The following PPFIBP1 variants were observed in gnomAD, a reference collection of about 807,000 sequenced individuals.
PPFIBP1 encodes liprin-beta-1.
In PPFIBP1, 112 loss-of-function variants were observed where a neutral mutation model predicts 137.8. The ratio of observed to expected loss-of-function variants is 0.81; its 90% CI spans 0.70 to 0.95. PPFIBP1 has a LOEUF of 0.95. Among genes scored for constraint, PPFIBP1 ranks in the 40% least tolerant of loss-of-function variants. The pLI, the probability that PPFIBP1 is intolerant of heterozygous loss-of-function variation, is 0.00. For missense variants in PPFIBP1, 1,083 were observed against 1,196.6 expected (o/e 0.91, Z 1.40); for synonymous variants, 378 against 417.3 (o/e 0.91, Z 1.15).
intron 13 of PPFIBP1, among the ~76,000 whole-genome samples, 184 bp downstream of exon 13, chr12:27,667,504 A>G (rs1298840898): frequency 6.6e-6 from 1 of 152,246 alleles, no homozygotes; most frequent in Non-Finnish European, 1.5e-5. Flanking sequence ...TAATTGAATA[A>G]AATTTTCTTC....
intron 7 of PPFIBP1, among the ~76,000 whole-genome samples, chr12:27,654,100 C>T (rs1178388046): frequency 6.6e-6 from 1 of 152,150 alleles, no homozygotes. Context: ...AAAATTAAAA[C>T]TGATTTGACT....
chr12:27,650,989 A>T (rs1352372162), intron 7 of PPFIBP1, among the ~76,000 whole-genome samples: 1 of 152,168 alleles, frequency 6.6e-6, no homozygotes, highest in African/African-American at 2.4e-5. Context: ...TGGATTAGAA[A>T]ATGGGTACCA....
intron 1 of PPFIBP1, among the ~76,000 whole-genome samples, chr12:27,546,471 C>T (rs1283795359): frequency 2.6e-5 from 4 of 152,170 alleles, no homozygotes; most frequent in East Asian, 3.9e-4. Flanking sequence ...CCTGCTTTTC[C>T]ACTGACTTCC....
In PPFIBP1 at chr12:27,694,426, C is replaced by T. The variant is rs559243238; in HGVS notation, c.*1544C>T. On this transcript the variant is annotated 3_prime_UTR_variant, in exon 30 of 30. Coordinates refer to ENST00000228425, the MANE Select transcript of PPFIBP1 (RefSeq NM_003622.4). The stretch of plus-strand genomic sequence containing the variant: ...ACCTTTACAGTATTGTTTCTTTTCT[C>T]TTTGTTAACTGTGTCATTACAGCAA... 4.6e-5 allele frequency: 7 copies of T among 152,288 alleles called. No individual in the cohort carries two copies. Among genetic ancestry groups the T allele is most frequent in the Non-Finnish European group, 8.8e-5 (6 of 68,014 alleles). The allele number at this position is 152,288 out of a possible 1,614,324, so 9.4% of individuals were successfully genotyped here.
rs146519272 is a variant in PPFIBP1, at chr12:27,623,226, C to T, written c.-35-10136C>T. On this transcript the variant is annotated intron_variant, in intron 2 of 29. Coordinates refer to ENST00000228425, the MANE Select transcript of PPFIBP1 (RefSeq NM_003622.4). ...GAGCAATAACAAGTTGAAACAGACCCGCTGATACTCCTCCATAATACTGGG... is the reference window on the plus strand; with the variant it reads ...GAGCAATAACAAGTTGAAACAGACCTGCTGATACTCCTCCATAATACTGGG... 4.6e-3 allele frequency among the ~76,000 whole-genome samples: 697 copies of T among 152,170 alleles called. 7 individuals carry two copies. The highest frequency in any genetic ancestry group is 0.016 in the African/African-American group (658 of 41,494).
At chr12:27,629,003 G>A (rs1284191273) in intron 2 of PPFIBP1, among the ~76,000 whole-genome samples, 2 of 152,076 alleles carry the variant, frequency 1.3e-5, no homozygotes, top group African/African-American at 2.4e-5. Context: ...AATATTAAAG[G>A]GACATTAATT....
At chr12:27,623,104 G>A (rs1440883226) in intron 2 of PPFIBP1, among the ~76,000 whole-genome samples, 2 of 152,082 alleles carry the variant, frequency 1.3e-5, no homozygotes, top group African/African-American at 4.8e-5. Context: ...GCATACATTA[G>A]GTTGGTAGGC....
intron 11 of PPFIBP1, among the ~76,000 whole-genome samples, chr12:27,662,471 T>G (rs2059612369): frequency 6.6e-6 from 1 of 151,780 alleles, no homozygotes; most frequent in Non-Finnish European, 1.5e-5. Flanking sequence ...CAGTTAAGAG[T>G]CAGTTAAAAT....
At chr12:27,593,632 C>A in intron 2 of PPFIBP1, 1 of 481,382 alleles carries the variant, frequency 2.1e-6, no homozygotes, top group South Asian at 2.3e-5. Context: ...GTCTGAAACT[C>A]TTGCACAAGA....
intron 2 of PPFIBP1, among the ~76,000 whole-genome samples, chr12:27,586,996 C>T (rs527384854): frequency 6.6e-6 from 1 of 152,180 alleles, no homozygotes; most frequent in African/African-American, 2.4e-5. Context: ...GACCTATCTC[C>T]GCATTCGGCA....
intron 2 of PPFIBP1, among the ~76,000 whole-genome samples, chr12:27,627,808 T>C (rs1240900726): frequency 6.7e-6 from 1 of 149,556 alleles, no homozygotes; most frequent in African/African-American, 2.5e-5. Flanking sequence ...ATATTTCTGT[T>C]GGTTACCCAC....
At chr12:27,670,529 C>T (rs2060113789) in intron 13 of PPFIBP1, among the ~76,000 whole-genome samples, 1 of 152,108 alleles carries the variant, frequency 6.6e-6, no homozygotes, top group African/African-American at 2.4e-5. Context: ...CCTGTAATCC[C>T]ACTTTGGGAG....
intron 27 of PPFIBP1, among the ~76,000 whole-genome samples, chr12:27,690,975 C>T (rs2061498545): frequency 1.3e-5 from 2 of 151,474 alleles, no homozygotes; most frequent in Non-Finnish European, 2.9e-5. Context: ...ACTGGGTCCT[C>T]CAGAAATTTG....
In PPFIBP1 at chr12:27,692,942, C is replaced by T; in HGVS notation, c.*60C>T. The T allele has an allele frequency of 6.2e-7, 1 of 1,601,516 alleles. No individual in the cohort carries two copies. The highest frequency in any genetic ancestry group is 8.5e-7 in the Non-Finnish European group (1 of 1,174,316). On this transcript the variant is annotated 3_prime_UTR_variant, in exon 30 of 30. Transcript: ENST00000228425. ...TCTTTTTTCTACTTGCTTTTCCAAA[C>T]ACTCACAGTATATACAACAGGCAGC... is the stretch of plus-strand genomic sequence containing the variant.
At position 27,681,611 on chromosome 12, in the gene PPFIBP1, G is replaced by C. The variant is rs2060878666; in HGVS notation, c.1961G>C (p.Gly654Ala). Residue 654 changes from glycine to alanine, a missense_variant, in exon 22 of 30, where the codon GGC (glycine) becomes GCC (alanine). Gly to Ala is a moderately conservative substitution (Grantham distance 60). Transcript: ENST00000228425. ...EQVCNWLMEQ[G>A]LGSYLNSGKH... is the part of the protein sequence containing the mutation. ...GTTTGCAATTGGCTGATGGAACAGG[G>C]CTTGGGCTCGTACCTGAATTCTGGC... The C allele has an allele frequency of 6.2e-7, 1 of 1,614,056 alleles. No individual in the cohort carries two copies. The highest frequency in any genetic ancestry group is 1.3e-5 in the African/African-American group (1 of 74,928).
At chr12:27,615,978 A>T (rs1345973180) in intron 2 of PPFIBP1, among the ~76,000 whole-genome samples, 2 of 152,152 alleles carry the variant, frequency 1.3e-5, no homozygotes, top group Non-Finnish European at 2.9e-5. Context: ...AAATGTTTCC[A>T]TGCCTCATTT....
chr12:27,542,154 A>G (rs1430649579), intron 1 of PPFIBP1, among the ~76,000 whole-genome samples: 1 of 152,236 alleles, frequency 6.6e-6, no homozygotes, highest in Non-Finnish European at 1.5e-5. Flanking sequence ...AAAATATTTG[A>G]AAAAACAAAA....
At chr12:27,659,154 A>G (rs767152945) in intron 10 of PPFIBP1, among the ~76,000 whole-genome samples, 1 of 152,226 alleles carries the variant, frequency 6.6e-6, no homozygotes, top group Non-Finnish European at 1.5e-5. Context: ...AGAGGAGAAA[A>G]TAACTTTTAT....
chr12:27,606,320 G>A (rs1350185688), intron 2 of PPFIBP1, among the ~76,000 whole-genome samples: 2 of 57,196 alleles, frequency 3.5e-5, no homozygotes, highest in Non-Finnish European at 7.8e-5. Flanking sequence ...GGCATTTTTG[G>A]GGTATGGGGG....
Sources: allele counts gnomAD v4.1 joint callset (sites outside exome capture counted in the v4.1 genomes callset), GRCh38; gene constraint gnomAD v4.1.1; transcripts MANE v1.5; gene names NCBI Gene and HGNC (gene_info 2026-07-23, HGNC 2026-07-21).